The following ARSB variants were observed in gnomAD, a reference collection of about 807,000 sequenced individuals.
The protein encoded by ARSB is N-acetylgalactosamine-4-sulfatase.
ARSB carries 41 observed loss-of-function variants against 50.9 expected under a neutral mutation model. That is an observed-to-expected ratio of 0.81 (90% CI 0.63 to 1.04). The LOEUF (loss-of-function observed/expected upper bound fraction) is 1.04. ARSB is among the 50% of genes least tolerant of loss of function. The pLI, the probability that ARSB is intolerant of heterozygous loss-of-function variation, is 0.00. For missense variants in ARSB, 672 were observed against 693.3 expected (o/e 0.97, Z 0.35); for synonymous variants, 269 against 284.8 (o/e 0.94, Z 0.56).
intron 5 of ARSB, among the ~76,000 whole-genome samples, chr5:78,882,313 A>G (rs533897639): frequency 2.0e-5 from 3 of 152,340 alleles, no homozygotes; most frequent in African/African-American, 7.2e-5. Flanking sequence ...TTGCCTCAGG[A>G]AAAAATGAGA....
intron 1 of ARSB, among the ~76,000 whole-genome samples, chr5:78,981,576 A>G (rs1752905885): frequency 6.6e-6 from 1 of 152,258 alleles, no homozygotes; most frequent in African/African-American, 2.4e-5. Context: ...CCTAATGGAC[A>G]CAAGAGCCTT....
intron 4 of ARSB, among the ~76,000 whole-genome samples, chr5:78,892,248 CT>C (rs34960858): frequency 0.042 from 3,625 of 87,214 alleles, 12 homozygotes; most frequent in East Asian, 0.086. Context: ...ATTCTCTATT[CT>C]TTTTTTTTTT....
chr5:78,796,166 G>C (rs1743170929), intron 6 of ARSB, among the ~76,000 whole-genome samples: 1 of 152,192 alleles, frequency 6.6e-6, no homozygotes, highest in Non-Finnish European at 1.5e-5. Flanking sequence ...CTCTTCTCAT[G>C]CTTTGGTTTA....
At chr5:78,959,814 T>TTTTTAATACTATATGGTATTAATAG (rs1258199566) in intron 3 of ARSB, among the ~76,000 whole-genome samples, 1 of 152,162 alleles carries the variant, frequency 6.6e-6, no homozygotes, top group Non-Finnish European at 1.5e-5. Context: ...AAGAGTAGTG[T>TTTTTAATACTATATGGTATTAATAG]TTTTAATACT....
At chr5:78,859,542 G>A (rs1746323899) in intron 5 of ARSB, among the ~76,000 whole-genome samples, 1 of 152,092 alleles carries the variant, frequency 6.6e-6, no homozygotes, top group South Asian at 2.1e-4. Flanking sequence ...AAACTAAAGA[G>A]AAGACCATAT....
intron 6 of ARSB, chr5:78,815,830 C>T (rs944693812): frequency 1.6e-5 from 21 of 1,332,872 alleles, no homozygotes; most frequent in Non-Finnish European, 2.0e-5. Context: ...GAATTCTCAT[C>T]TTCAAAGATA....
At chr5:78,982,385 G>A (rs1450835846) in intron 1 of ARSB, among the ~76,000 whole-genome samples, 1 of 152,162 alleles carries the variant, frequency 6.6e-6, no homozygotes, top group Non-Finnish European at 1.5e-5. Context: ...AATATGATGG[G>A]TTGATTCTTT....
chr5:78,869,360 A>AT (rs1316286207), intron 5 of ARSB, among the ~76,000 whole-genome samples: 2 of 140,852 alleles, frequency 1.4e-5, no homozygotes, highest in Non-Finnish European at 1.5e-5. Context: ...CAGAATATAC[A>AT]TTTTTTTCAG....
rs1195891825 is a variant in ARSB, at chr5:78,815,599, G to GC, written c.1213+23756_1213+23757insG. 3.0e-6 allele frequency: 3 copies of GC among 986,094 alleles called. No homozygotes were observed. In the African/African-American group the frequency reaches 5.3e-5, roughly 17 times the overall value. 61.1% of individuals were successfully genotyped at this position (986,094 alleles called of 1,614,324 possible). ...CTGAAGATGGCTTTTCAAAATTTCT[G>GC]TTTTTAGCTGACTTCACTCTTCTCT... On this transcript the variant is annotated intron_variant, in intron 6 of 7. Transcript: ENST00000264914.
chr5:78,900,287 T>C (rs1748741813), intron 4 of ARSB, among the ~76,000 whole-genome samples: 1 of 152,120 alleles, frequency 6.6e-6, no homozygotes, highest in Non-Finnish European at 1.5e-5. Flanking sequence ...GGGTTGGGGA[T>C]GGTAGTCTCA....
intron 4 of ARSB, among the ~76,000 whole-genome samples, chr5:78,954,364 A>C (rs946663948): frequency 6.6e-5 from 10 of 152,278 alleles, no homozygotes; most frequent in African/African-American, 2.4e-4. Context: ...TGAGAGGGGG[A>C]AGTTGCACAT....
intron 5 of ARSB, among the ~76,000 whole-genome samples, chr5:78,877,427 T>C (rs1747536776): frequency 6.6e-6 from 1 of 152,172 alleles, no homozygotes; most frequent in Non-Finnish European, 1.5e-5. Context: ...CTCAGTCTGT[T>C]GCTCAGGTTG....
chr5:78,843,918 T>C (rs1238771368), intron 5 of ARSB, among the ~76,000 whole-genome samples: 1 of 152,212 alleles, frequency 6.6e-6, no homozygotes, highest in Non-Finnish European at 1.5e-5. Flanking sequence ...TAATATCCCA[T>C]TGCTTGAAGA....
At chr5:78,911,788 G>A (rs989016844) in intron 4 of ARSB, among the ~76,000 whole-genome samples, 3 of 151,856 alleles carry the variant, frequency 2.0e-5, no homozygotes, top group African/African-American at 7.3e-5. Flanking sequence ...CCCATGACTG[G>A]ACCACAGAAT....
intron 6 of ARSB, 151 bp from the exon 7 acceptor site, chr5:78,782,125 C>A: frequency 9.9e-7 from 1 of 1,009,496 alleles, no homozygotes; most frequent in Non-Finnish European, 1.5e-6. Context: ...TTTATTAAAT[C>A]CAAACAGAAA....
chr5:78,845,709 C>T (rs1357442678), intron 5 of ARSB, among the ~76,000 whole-genome samples: 1 of 151,958 alleles, frequency 6.6e-6, no homozygotes, highest in Admixed American at 6.6e-5. Flanking sequence ...AGCTCATTTA[C>T]CCATTTTAAA....
chr5:78,944,102 T>C (rs921681372), intron 4 of ARSB, among the ~76,000 whole-genome samples: 1 of 152,248 alleles, frequency 6.6e-6, no homozygotes, highest in Non-Finnish European at 1.5e-5. Flanking sequence ...CGTCACGTAG[T>C]TCTCGTGCCG....
chr5:78,842,218 CT>C (rs1438330616), intron 5 of ARSB, among the ~76,000 whole-genome samples: 3 of 152,000 alleles, frequency 2.0e-5, no homozygotes, highest in African/African-American at 7.3e-5. Context: ...TTCAAGTCAC[CT>C]GGAGAAGACA....
intron 5 of ARSB, among the ~76,000 whole-genome samples, chr5:78,870,503 C>T (rs1328759686): frequency 6.8e-6 from 1 of 147,584 alleles, no homozygotes; most frequent in Non-Finnish European, 1.5e-5. Context: ...TGCAAGGCTG[C>T]TTCAATATAC....
Sources: gnomAD v4.1 joint callset for allele counts (sites outside exome capture counted in the v4.1 genomes callset) on GRCh38, gnomAD v4.1.1 for gene constraint, MANE v1.5 for transcripts, NCBI Gene and HGNC (gene_info 2026-07-23, HGNC 2026-07-21) for gene names.